The following WDPCP variants were observed in gnomAD, a reference collection of about 807,000 sequenced individuals.
WDPCP encodes the protein WD repeat-containing and planar cell polarity effector protein fritz homolog.
WDPCP carries 71 observed loss-of-function variants against 93.1 expected under a neutral mutation model. That is an observed-to-expected ratio of 0.76 (90% confidence interval 0.63 to 0.93). The LOEUF (loss-of-function observed/expected upper bound fraction) is 0.93, where lower values mean the gene tolerates loss of function less well. Among genes scored for constraint, WDPCP ranks in the 40% least tolerant of loss-of-function variants. The pLI is 0.00. For missense variants in WDPCP, 844 were observed against 887.4 expected, an observed-to-expected ratio of 0.95 and a Z score of 0.62; for synonymous variants, 315 against 315.0, an observed-to-expected ratio of 1.00 and a Z score of 0.00.
chr2:63,468,270 C>T (rs1332762913), intron 6 of WDPCP, among the ~76,000 whole-genome samples: 1 of 152,174 alleles, frequency 6.6e-6, no homozygotes, highest in Non-Finnish European at 1.5e-5. Flanking sequence ...TCACATCTCC[C>T]CCACAAATCT....
intron 1 of WDPCP, among the ~76,000 whole-genome samples, chr2:63,544,319 A>C (rs954903275): frequency 6.6e-6 from 1 of 152,150 alleles, no homozygotes; most frequent in African/African-American, 2.4e-5. Context: ...ATACTACATC[A>C]ACCATCTAAA....
intron 13 of WDPCP, among the ~76,000 whole-genome samples, chr2:63,291,046 T>A (rs1180103714): frequency 1.3e-5 from 2 of 152,232 alleles, no homozygotes; most frequent in Non-Finnish European, 2.9e-5. Flanking sequence ...GAGACTCTGC[T>A]CATTTTTTGA....
At chr2:63,403,130 G>C (rs922500159) in intron 10 of WDPCP, among the ~76,000 whole-genome samples, 3 of 152,148 alleles carry the variant, frequency 2.0e-5, no homozygotes, top group African/African-American at 4.8e-5. Context: ...CAGGAACTTG[G>C]ACGGAGCTGA....
At chr2:63,618,518 T>C (rs191005750) in intron 3 of WDPCP, among the ~76,000 whole-genome samples, 232 of 152,320 alleles carry the variant, frequency 1.5e-3, no homozygotes, top group Middle Eastern at 6.8e-3. Flanking sequence ...GATTATCCCC[T>C]ATGTTCCTCC....
intron 2 of WDPCP, among the ~76,000 whole-genome samples, chr2:63,655,713 G>C (rs1710159774): frequency 1.3e-5 from 2 of 152,116 alleles, no homozygotes; most frequent in East Asian, 1.9e-4. Flanking sequence ...ATATGTCCTT[G>C]TTTACTACCT....
At chr2:63,810,536 A>G (rs1380578532) in intron 2 of WDPCP, among the ~76,000 whole-genome samples, 1 of 152,204 alleles carries the variant, frequency 6.6e-6, no homozygotes, top group South Asian at 2.1e-4. Context: ...TGGAGGGAAA[A>G]AGAACAGTGG....
chr2:63,672,382 A>G (rs1710357649), intron 2 of WDPCP, among the ~76,000 whole-genome samples: 1 of 152,222 alleles, frequency 6.6e-6, no homozygotes, highest in South Asian at 2.1e-4. Context: ...TATAATTACT[A>G]TATAAATCAG....
intron 12 of WDPCP, among the ~76,000 whole-genome samples, chr2:63,320,657 C>T (rs1687011429): frequency 6.6e-6 from 1 of 151,754 alleles, no homozygotes; most frequent in African/African-American, 2.4e-5. Context: ...ATAAATGTAA[C>T]CCTTACAGCA....
At chr2:63,707,947 T>G (rs1261485378) in intron 2 of WDPCP, among the ~76,000 whole-genome samples, 1 of 152,174 alleles carries the variant, frequency 6.6e-6, no homozygotes, top group Non-Finnish European at 1.5e-5. Flanking sequence ...CAATGGATAT[T>G]GGTGAACTGC....
chr2:63,528,803 G>A (rs1340385797), intron 1 of WDPCP, among the ~76,000 whole-genome samples: 1 of 152,162 alleles, frequency 6.6e-6, no homozygotes, highest in African/African-American at 2.4e-5. Flanking sequence ...ATTACCTTGG[G>A]CAGTATGGCC....
At chr2:63,575,156 C>A (rs1478837505) in intron 1 of WDPCP, among the ~76,000 whole-genome samples, 1 of 151,348 alleles carries the variant, frequency 6.6e-6, no homozygotes, top group African/African-American at 2.4e-5. Context: ...GGACAACTAC[C>A]ATAACAAAAC....
chr2:63,452,291 A>G (rs1362709999), intron 6 of WDPCP, among the ~76,000 whole-genome samples: 1 of 152,222 alleles, frequency 6.6e-6, no homozygotes, highest in Non-Finnish European at 1.5e-5. Flanking sequence ...ATTCTTATGC[A>G]CCCATAACAG....
intron 14 of WDPCP, among the ~76,000 whole-genome samples, chr2:63,218,335 G>A (rs992025362): frequency 1.3e-5 from 2 of 151,922 alleles, no homozygotes; most frequent in Admixed American, 1.3e-4. Context: ...ATTCAGGAAG[G>A]GATATTAGCA....
chr2:63,484,697 G>C (rs1287402191), intron 5 of WDPCP, 34 bp from the exon 6 acceptor site: 2 of 1,611,988 alleles, frequency 1.2e-6, no homozygotes, highest in African/African-American at 2.7e-5. Context: ...GAGCGTAGTT[G>C]GCTGTACACA....
intron 1 of WDPCP, among the ~76,000 whole-genome samples, chr2:63,551,755 A>C (rs560077347): frequency 6.6e-6 from 1 of 152,268 alleles, no homozygotes; most frequent in African/African-American, 2.4e-5. Flanking sequence ...ATGCTGGCAT[A>C]ATGCTTTTGT....
chr2:63,737,978 G>A (rs929133183), intron 2 of WDPCP, among the ~76,000 whole-genome samples: 8 of 152,042 alleles, frequency 5.3e-5, no homozygotes, highest in African/African-American at 1.9e-4. Context: ...CAACTCCAGG[G>A]CTTGTTAAAA....
chr2:63,551,425 G>A (rs970360609), intron 1 of WDPCP, among the ~76,000 whole-genome samples: 7 of 152,094 alleles, frequency 4.6e-5, no homozygotes, highest in South Asian at 2.1e-4. Context: ...CTGAGTTCAA[G>A]TGAGATCGGG....
chr2:63,280,290 C>T (rs187738128), intron 13 of WDPCP, among the ~76,000 whole-genome samples: 5 of 152,142 alleles, frequency 3.3e-5, no homozygotes, highest in South Asian at 4.2e-4. Flanking sequence ...CTTACATGGC[C>T]GAGGCAAGAG....
At chr2:63,663,223 C>T (rs915462614) in intron 2 of WDPCP, among the ~76,000 whole-genome samples, 1 of 152,176 alleles carries the variant, frequency 6.6e-6, no homozygotes, top group Non-Finnish European at 1.5e-5. Context: ...TGTACCCTGC[C>T]CCTTGCCCTC....
Sources: allele counts gnomAD v4.1 joint callset (sites outside exome capture counted in the v4.1 genomes callset), GRCh38; gene constraint gnomAD v4.1.1; transcripts MANE v1.5; gene names NCBI Gene and HGNC (gene_info 2026-07-23, HGNC 2026-07-21).